The following SP140 variants were observed in gnomAD, a reference collection of about 807,000 sequenced individuals.
SP140 encodes the protein nuclear body protein SP140.
A neutral mutation model predicts 125.0 loss-of-function variants in SP140; 81 were observed. The observed-to-expected ratio is 0.65, with a 90% CI of 0.54 to 0.78. SP140 has a LOEUF of 0.78. SP140 is among the 30% of genes least tolerant of loss of function. The pLI, the probability that SP140 is intolerant of heterozygous loss-of-function variation, is 0.00. For missense variants in SP140, 858 were observed against 1,037.0 expected (o/e 0.83, Z 2.37); for synonymous variants, 312 against 354.0 (o/e 0.88, Z 1.33).
chr2:230,225,065 T>C (rs998355475), upstream of SP140, among the ~76,000 whole-genome samples: 1 of 152,224 alleles, frequency 6.6e-6, no homozygotes, highest in Non-Finnish European at 1.5e-5. Context: ...CTTGAAGGTC[T>C]AGATAATCTC....
At chr2:230,190,738 A>G in the SP140 span, among the ~76,000 whole-genome samples, 1 of 152,084 alleles carries the variant, frequency 6.6e-6, no homozygotes, top group South Asian at 2.1e-4. Flanking sequence ...TTTGTATAAG[A>G]TGTGAGGAAG....
the SP140 span, among the ~76,000 whole-genome samples, chr2:230,187,110 C>T: frequency 0.012 from 1,861 of 152,258 alleles, 34 homozygotes; most frequent in African/African-American, 0.042. Context: ...CTAATTTGCA[C>T]TCCCACCAGC....
chr2:230,211,037 C>A lies in SP140; in HGVS notation c.-322-2617C>A, dbSNP rs562757425. ...TGCATTTTGACAGAGCCGTTTTGAGCACTACTTTATTGAAGTGGCCTCAGA... is the reference window on the plus strand; with the variant it reads ...TGCATTTTGACAGAGCCGTTTTGAGAACTACTTTATTGAAGTGGCCTCAGA... On this transcript the variant is annotated intron_variant, in intron 1 of 4. Coordinates refer to the SP140 transcript ENST00000456542. This position sits in a 1 kb window ranked among gnomAD's most constrained non-coding sequence, Gnocchi z 4.2. Among the ~76,000 whole-genome samples, 3 of 152,306 alleles carry A rather than the reference C, an allele frequency of 2.0e-5. No individual in the cohort carries two copies. The highest frequency in any genetic ancestry group is 7.2e-5 in the African/African-American group (3 of 41,570).
downstream of SP140, among the ~76,000 whole-genome samples, chr2:230,314,956 A>G (rs2059474376): frequency 6.6e-6 from 1 of 152,246 alleles, no homozygotes; most frequent in South Asian, 2.1e-4. Flanking sequence ...CTGTGAGGGC[A>G]AGATAAAGTA....
At chr2:230,302,812 T>G (rs2058412895) in intron 22 of SP140, among the ~76,000 whole-genome samples, 1 of 152,186 alleles carries the variant, frequency 6.6e-6, no homozygotes, top group Admixed American at 6.5e-5. Context: ...GAATGATCAT[T>G]GGGTCCACAA....
intron 3 of SP140, chr2:230,238,600 G>T (rs945496917): frequency 2.6e-6 from 2 of 760,942 alleles, no homozygotes; most frequent in South Asian, 3.7e-5. Flanking sequence ...TCCTGCAAAT[G>T]GTTGCTCAGC....
At chr2:230,302,504 A>G (rs540453013) in intron 22 of SP140, among the ~76,000 whole-genome samples, 1 of 152,344 alleles carries the variant, frequency 6.6e-6, no homozygotes, top group South Asian at 2.1e-4. Context: ...CAGGTCATCA[A>G]GACAGAAAGT....
At chr2:230,223,903 G>C (rs527328008), upstream of SP140, among the ~76,000 whole-genome samples, 3 of 152,286 alleles carry the variant, frequency 2.0e-5, no homozygotes, top group South Asian at 6.2e-4. Context: ...TCTGGATGGG[G>C]GAACAGAGCC....
intron 1 of SP140, among the ~76,000 whole-genome samples, chr2:230,230,869 G>A (rs1208290458): frequency 2.6e-5 from 4 of 151,900 alleles, no homozygotes; most frequent in Admixed American, 2.0e-4. Flanking sequence ...TCTCCTTCTC[G>A]TATTCCAATT....
intron 22 of SP140, among the ~76,000 whole-genome samples, chr2:230,307,982 TATATATATACACACACACAC>T (rs1448960927): frequency 5.3e-5 from 5 of 93,612 alleles, no homozygotes; most frequent in African/African-American, 1.7e-4. Context: ...TATATATATA[TATATATATACACACACACAC>T]ACACACACAC....
the SP140 span, chr2:230,186,212 G>C: frequency 5.6e-5 from 82 of 1,470,326 alleles, 1 homozygote; most frequent in Middle Eastern, 5.6e-3. Flanking sequence ...TACCCTTTCA[G>C]GAGTTATCTT....
chr2:230,232,482 G>C (rs1328874865), intron 1 of SP140, among the ~76,000 whole-genome samples: 1 of 152,182 alleles, frequency 6.6e-6, no homozygotes, highest in African/African-American at 2.4e-5. Context: ...TGTTGTTGTT[G>C]TGAGGATGGG....
At chr2:230,315,429 T>TCATA (rs879290361), downstream of SP140, among the ~76,000 whole-genome samples, 1 of 152,168 alleles carries the variant, frequency 6.6e-6, no homozygotes, top group Admixed American at 6.5e-5. Flanking sequence ...CAAAGCCCTA[T>TCATA]CATAGCCCCT....
Position 230,208,805 on chromosome 2 carries a change from G to T in SP140, c.-322-4849G>T, listed in dbSNP as rs529348557. ...TTCAGATGCAGTGTACAGGAAGTAG[G>T]TAAGTAGGGTCTTCCAAGACTTGCC... On this transcript the variant is annotated intron_variant, in intron 1 of 4. Coordinates refer to the SP140 transcript ENST00000456542. Among the ~76,000 whole-genome samples the T allele has an allele frequency of 1.0e-3, 153 of 152,326 alleles. 2 individuals carry two copies. The highest frequency in any genetic ancestry group is 9.7e-4 in the Non-Finnish European group (66 of 68,032).
In SP140 at chr2:230,237,119, C is replaced by T; in HGVS notation, c.96C>T (p.Asn32=). Residue 32 remains asparagine, a synonymous_variant, in exon 2 of 27, where the codon AAC becomes AAT. Transcript: ENST00000392045. This position sits in a 1 kb window ranked among gnomAD's most constrained non-coding sequence, Gnocchi z 5.4. The part of the protein sequence containing the change: ...VAEIQNVEGQ[N]LQEQVCPEPI... Reference sequence around the variant, plus strand: ...AGATCCAGAACGTAGAGGGTCAGAACCTGCAGGAGCAGGTTTGCCCTGAGC... The same window carrying T: ...AGATCCAGAACGTAGAGGGTCAGAATCTGCAGGAGCAGGTTTGCCCTGAGC... 6.2e-7 allele frequency: 1 copy of T among 1,608,376 alleles called. No homozygotes were observed. The highest frequency in any genetic ancestry group is 8.5e-7 in the Non-Finnish European group (1 of 1,178,278).
At chr2:230,193,742 A>C in the SP140 span, among the ~76,000 whole-genome samples, 1 of 152,134 alleles carries the variant, frequency 6.6e-6, no homozygotes, top group African/African-American at 2.4e-5. Flanking sequence ...TCATCCTTGC[A>C]AATAGTAAAG....
At chr2:230,196,538 T>C in the SP140 span, among the ~76,000 whole-genome samples, 2 of 152,132 alleles carry the variant, frequency 1.3e-5, no homozygotes, top group Middle Eastern at 6.8e-3. Flanking sequence ...TAATTTTCTT[T>C]TTTTTAAAAT....
upstream of SP140, among the ~76,000 whole-genome samples, chr2:230,198,359 C>T (rs1230903968): frequency 6.6e-6 from 1 of 152,130 alleles, no homozygotes; most frequent in Non-Finnish European, 1.5e-5. Context: ...TGGAGCTTTC[C>T]AAGTGTCTGG....
chr2:230,270,602 A>C lies in SP140; in HGVS notation c.1461A>C (p.Ala487=), dbSNP rs900061755. The change falls in exon 15 of 27, where the codon GCA becomes GCC. Residue 487 remains alanine (A), a synonymous_variant. Coordinates refer to ENST00000392045, the MANE Select transcript of SP140 (RefSeq NM_007237.5). ...ACGTMDTVDI[A]NNSTLGKPKR... ...ATTTTCCAGATACTGTGGATATTGC[A>C]AACAACTCCACTTTGGGAAAACCCA... 6.2e-7 allele frequency: 1 copy of C among 1,609,732 alleles called. No individual in the cohort carries two copies.
Sources: allele counts gnomAD v4.1 joint callset (sites outside exome capture counted in the v4.1 genomes callset), GRCh38; gene constraint gnomAD v4.1.1; non-coding constraint Gnocchi (gnomAD v3.1); transcripts MANE v1.5; gene names NCBI Gene and HGNC (gene_info 2026-07-23, HGNC 2026-07-21).